The following CSMD1 variants were observed in gnomAD, a reference collection of about 807,000 sequenced individuals.
The protein encoded by CSMD1 is CUB and Sushi multiple domains 1, also known as CUB and sushi domain-containing protein 1.
In CSMD1, 213 loss-of-function variants were observed where a neutral mutation model predicts 417.5. The ratio of observed to expected loss-of-function variants is 0.51; its 90% CI spans 0.46 to 0.57. The LOEUF (loss-of-function observed/expected upper bound fraction) is 0.57. CSMD1 is among the 20% of genes least tolerant of loss of function. CSMD1 has a pLI of 0.00. For missense variants in CSMD1, 6,923 were observed against 4,529.7 expected, an observed-to-expected ratio of 1.53 and a Z score of -15.17; for synonymous variants, 2,862 against 1,736.8, an observed-to-expected ratio of 1.65 and a Z score of -16.11.
chr8:4,355,742 C>T (rs1801393135), intron 3 of CSMD1, among the ~76,000 whole-genome samples: 2 of 152,178 alleles, frequency 1.3e-5, no homozygotes, highest in Admixed American at 1.3e-4. Flanking sequence ...TCATTTTCCC[C>T]CTGCATGAAG....
chr8:3,781,504 A>AC (rs1554434803), intron 5 of CSMD1, among the ~76,000 whole-genome samples: 3 of 151,808 alleles, frequency 2.0e-5, no homozygotes, highest in African/African-American at 7.3e-5. Flanking sequence ...CCCCTGAGTT[A>AC]GGTGTGCGAT....
intron 21 of CSMD1, among the ~76,000 whole-genome samples, chr8:3,348,956 A>G (rs983880628): frequency 2.2e-4 from 33 of 152,342 alleles, no homozygotes; most frequent in African/African-American, 7.7e-4. Context: ...GTCCAATACG[A>G]TCACAGAAAA....
intron 2 of CSMD1, among the ~76,000 whole-genome samples, chr8:4,449,894 A>C (rs1799033259): frequency 6.6e-6 from 1 of 152,224 alleles, no homozygotes; most frequent in South Asian, 2.1e-4. Context: ...AACCTCCATA[A>C]CATATGTATA....
chr8:4,817,163 G>A (rs1799256752), intron 1 of CSMD1, among the ~76,000 whole-genome samples: 1 of 151,934 alleles, frequency 6.6e-6, no homozygotes, highest in Non-Finnish European at 1.5e-5. Flanking sequence ...ACACACACAT[G>A]TATACACACT....
chr8:3,728,424 C>G (rs979841783), intron 6 of CSMD1, among the ~76,000 whole-genome samples: 1 of 152,168 alleles, frequency 6.6e-6, no homozygotes, highest in Non-Finnish European at 1.5e-5. Context: ...CAGACTAATA[C>G]AACATCTAAA....
chr8:3,834,873 A>G (rs1166300226), intron 5 of CSMD1, among the ~76,000 whole-genome samples: 1 of 152,100 alleles, frequency 6.6e-6, no homozygotes, highest in Non-Finnish European at 1.5e-5. Flanking sequence ...ATTTACAAGA[A>G]AAAAACAAAC....
chr8:3,766,600 CCAAA>C (rs1223041919), intron 5 of CSMD1, among the ~76,000 whole-genome samples: 1 of 151,734 alleles, frequency 6.6e-6, no homozygotes, highest in East Asian at 1.9e-4. Context: ...GGCAGTGTCG[CCAAA>C]CACAGAGATC....
chr8:4,232,625 G>A (rs922158594), intron 3 of CSMD1, among the ~76,000 whole-genome samples: 20 of 152,154 alleles, frequency 1.3e-4, no homozygotes, highest in Admixed American at 9.2e-4. Context: ...CTGCAAATTA[G>A]ATGAAGGGTA....
intron 7 of CSMD1, among the ~76,000 whole-genome samples, chr8:3,674,518 T>A (rs1431163757): frequency 2.0e-5 from 3 of 152,160 alleles, no homozygotes; most frequent in Admixed American, 6.6e-5. Flanking sequence ...CGTGAATCAT[T>A]AGATAATTTA....
intron 15 of CSMD1, among the ~76,000 whole-genome samples, chr8:3,401,687 T>G (rs1285863370): frequency 6.6e-6 from 1 of 152,142 alleles, no homozygotes; most frequent in Non-Finnish European, 1.5e-5. Context: ...CCTTCTTCAG[T>G]TGCTATGGCA....
At chr8:3,767,186 C>G (rs957952751) in intron 5 of CSMD1, among the ~76,000 whole-genome samples, 1 of 152,338 alleles carries the variant, frequency 6.6e-6, no homozygotes, top group South Asian at 2.1e-4. Flanking sequence ...ACGCTGCCAT[C>G]GTAGAAAGCA....
At chr8:3,771,352 T>C (rs1798563459) in intron 5 of CSMD1, among the ~76,000 whole-genome samples, 1 of 152,094 alleles carries the variant, frequency 6.6e-6, no homozygotes, top group South Asian at 2.1e-4. Flanking sequence ...CGCTTAGAAA[T>C]TCAGACGGCA....
intron 3 of CSMD1, among the ~76,000 whole-genome samples, chr8:4,292,378 G>C (rs1447156707): frequency 6.6e-6 from 1 of 151,996 alleles, no homozygotes. Context: ...TCAGCCTCCA[G>C]AGTACCTGGG....
At chr8:3,862,378 C>A (rs1419723775) in intron 5 of CSMD1, among the ~76,000 whole-genome samples, 4 of 146,720 alleles carry the variant, frequency 2.7e-5, no homozygotes, top group African/African-American at 8.0e-5. Flanking sequence ...TCTGATGTGG[C>A]CCTTTCATTT....
At chr8:3,026,570 C>T (rs947927842) in intron 51 of CSMD1, among the ~76,000 whole-genome samples, 1 of 147,866 alleles carries the variant, frequency 6.8e-6, no homozygotes, top group Non-Finnish European at 1.5e-5. Flanking sequence ...TGGACCTCAC[C>T]GGACCTCACT....
chr8:3,846,018 C>T (rs1354485551), intron 5 of CSMD1, among the ~76,000 whole-genome samples: 4 of 151,800 alleles, frequency 2.6e-5, no homozygotes, highest in Admixed American at 1.3e-4. Context: ...GCCTTCTGGA[C>T]ATCTTCTGAA....
At chr8:3,064,365 T>G (rs1212791202) in intron 49 of CSMD1, among the ~76,000 whole-genome samples, 1 of 152,096 alleles carries the variant, frequency 6.6e-6, no homozygotes, top group Non-Finnish European at 1.5e-5. Context: ...CCTGTGGCAT[T>G]TCGCCCCTAG....
At chr8:4,693,419 G>T (rs772673435) in intron 1 of CSMD1, among the ~76,000 whole-genome samples, 1 of 152,218 alleles carries the variant, frequency 6.6e-6, no homozygotes, top group Non-Finnish European at 1.5e-5. Flanking sequence ...TTCTGGCTGT[G>T]TCAGCCTCAA....
chr8:3,400,942 T>A (rs957232798), intron 15 of CSMD1, among the ~76,000 whole-genome samples: 2 of 35,036 alleles, frequency 5.7e-5, no homozygotes, highest in African/African-American at 2.3e-4. Flanking sequence ...TTTTTTGTGA[T>A]AATTTTTAAA....
Sources: allele counts gnomAD v4.1 joint callset (sites outside exome capture counted in the v4.1 genomes callset), GRCh38; gene constraint gnomAD v4.1.1; transcripts MANE v1.5; gene names NCBI Gene and HGNC (gene_info 2026-07-23, HGNC 2026-07-21).